The following PPP2R3A variants were observed in gnomAD, a reference collection of about 807,000 sequenced individuals.
The protein encoded by PPP2R3A is serine/threonine-protein phosphatase 2A regulatory subunit B'' subunit alpha.
In PPP2R3A, 80 loss-of-function variants were observed where a neutral mutation model predicts 106.9. The ratio of observed to expected loss-of-function variants is 0.75; its 90% CI spans 0.62 to 0.90. PPP2R3A has a LOEUF of 0.90. PPP2R3A is among the 40% of genes least tolerant of loss of function. The probability of loss-of-function intolerance (pLI) is 0.00; values close to 1 mark genes in which losing one functional copy is unlikely to be tolerated. For missense variants in PPP2R3A, 1,386 were observed against 1,350.4 expected (o/e 1.03, Z -0.41); for synonymous variants, 483 against 468.3 (o/e 1.03, Z -0.41).
chr3:136,102,413 C>T lies in PPP2R3A; in HGVS notation c.3103+231C>T, dbSNP rs573704299. Among the ~76,000 whole-genome samples the T allele has an allele frequency of 9.4e-4, 127 of 135,068 alleles. 1 individual carries two copies. The highest frequency in any genetic ancestry group is 2.4e-4 in the Non-Finnish European group (16 of 65,852). 88.6% of individuals were successfully genotyped at this position (135,068 alleles called of 152,430 possible). A position where few individuals can be genotyped will look rare whatever the true frequency, so the allele number is the denominator to read the frequency against. On this transcript the variant is annotated intron_variant, in intron 11 of 13. Transcript: ENST00000264977. ...CCAGGCTGGAGTACAATGGTGTGAT[C>T]TCAGCTCACTGCAACCTCCGCCTCC...
At chr3:136,087,250 T>TCTCTCC (rs1936967781) in intron 8 of PPP2R3A, among the ~76,000 whole-genome samples, 2 of 91,910 alleles carry the variant, frequency 2.2e-5, no homozygotes, top group African/African-American at 6.4e-5. Context: ...GTCGTGTCTC[T>TCTCTCC]CTCTCTCTCT....
chr3:136,145,000 TAATCAATC>T (rs564216540), intron 13 of PPP2R3A, 35 bp from the exon 14 acceptor site: 3 of 1,589,656 alleles, frequency 1.9e-6, no homozygotes, highest in Non-Finnish European at 2.6e-6. Context: ...ACCCAAACTT[TAATCAATC>T]AATCAGTTAA....
In PPP2R3A at chr3:136,027,058, A is replaced by G. The variant is rs770380247; in HGVS notation, c.2222A>G (p.Glu741Gly). Residue 741 changes from glutamate to glycine, a missense_variant, in exon 3 of 14, where the codon GAA (glutamate) becomes GGA (glycine). Physicochemically the swap from Glu to Gly is moderately conservative, Grantham distance 98. Coordinates refer to ENST00000264977, the MANE Select transcript of PPP2R3A (RefSeq NM_002718.5). ...RIETAFMDIE[E>G]QKADIYEMGK... ...GAAACTGCTTTCATGGATATTGAAGAACAGAAAGCAGACATTTATGAAATG... is the reference window on the plus strand; with the variant it reads ...GAAACTGCTTTCATGGATATTGAAGGACAGAAAGCAGACATTTATGAAATG... The G allele has an allele frequency of 1.2e-6, 2 of 1,613,558 alleles. No homozygotes were observed. The highest frequency in any genetic ancestry group is 3.3e-5 in the Admixed American group (2 of 59,986).
Position 136,002,906 on chromosome 3 carries a change from G to T in PPP2R3A, c.1408G>T (p.Gly470Cys), listed in dbSNP as rs1933695238. 3.7e-6 allele frequency: 6 copies of T among 1,611,948 alleles called. No individual in the cohort carries two copies. Among genetic ancestry groups the T allele is most frequent in the Non-Finnish European group, 5.1e-6 (6 of 1,179,450 alleles). The change falls in exon 2 of 14, where the codon GGT becomes TGT. Residue 470 changes from glycine to cysteine, a missense_variant. By Grantham distance (159) the Gly-to-Cys change is radical. Transcript: ENST00000264977. The part of the protein sequence containing the change: ...KCPTPMQNEI[G>C]KIFEKSFVNL... ...CCCCACCCCAATGCAAAATGAAATTGGTAAGATATTTGAGAAATCATTTGT... is the reference window on the plus strand; with the variant it reads ...CCCCACCCCAATGCAAAATGAAATTTGTAAGATATTTGAGAAATCATTTGT...
At chr3:136,059,492 G>T (rs573487227) in intron 5 of PPP2R3A, among the ~76,000 whole-genome samples, 1 of 152,246 alleles carries the variant, frequency 6.6e-6, no homozygotes, top group African/African-American at 2.4e-5. Flanking sequence ...TACCGGCAAG[G>T]TTGTGAACAA....
At chr3:136,035,439 T>C (rs1393313426) in intron 3 of PPP2R3A, among the ~76,000 whole-genome samples, 1 of 152,226 alleles carries the variant, frequency 6.6e-6, no homozygotes, top group African/African-American at 2.4e-5. Flanking sequence ...GCGAATTCTC[T>C]CAGCATTTGT....
chr3:136,092,653 G>A (rs78893936), intron 10 of PPP2R3A, among the ~76,000 whole-genome samples: 79 of 152,210 alleles, frequency 5.2e-4, no homozygotes, highest in East Asian at 4.3e-3. Context: ...ACTCTGTGTG[G>A]TACTCGTATC....
chr3:136,131,574 A>G (rs1938418070), intron 13 of PPP2R3A, among the ~76,000 whole-genome samples: 1 of 152,214 alleles, frequency 6.6e-6, no homozygotes, highest in South Asian at 2.1e-4. Flanking sequence ...GGGAGTGTAA[A>G]TTAGTTGAAC....
At position 136,014,459 on chromosome 3, in the gene PPP2R3A, G is replaced by A. The variant is rs374691109; in HGVS notation, c.1995+10966G>A. Among the ~76,000 whole-genome samples, 14 of 152,174 alleles carry A rather than the reference G, an allele frequency of 9.2e-5. No individual in the cohort carries two copies. The East Asian group carries it at 1.2e-3, about 13-fold the overall frequency. ...CCTACCCACCCATCCATGAGCATGC[G>A]ATATGTTTCCATTTGTTTATGTCAT... On this transcript the variant is annotated intron_variant, in intron 2 of 13. Coordinates refer to ENST00000264977, the MANE Select transcript of PPP2R3A (RefSeq NM_002718.5).
chr3:136,105,316 C>T (rs1452140092), intron 12 of PPP2R3A, among the ~76,000 whole-genome samples: 1 of 152,202 alleles, frequency 6.6e-6, no homozygotes, highest in Non-Finnish European at 1.5e-5. Flanking sequence ...AGAGAAATGT[C>T]TCTGATTACA....
At chr3:136,049,194 A>G (rs1935585641) in intron 4 of PPP2R3A, 65 bp from the exon 5 acceptor site, 3 of 1,174,846 alleles carry the variant, frequency 2.6e-6, no homozygotes. Context: ...ATTACTAACT[A>G]TTGATGTTAT....
intron 1 of PPP2R3A, among the ~76,000 whole-genome samples, chr3:135,996,124 C>G (rs1429965859): frequency 6.6e-6 from 1 of 152,044 alleles, no homozygotes; most frequent in East Asian, 1.9e-4. Flanking sequence ...ATGCTACCAA[C>G]TATAAGATGT....
At chr3:136,063,564 A>G (rs1413566394) in intron 5 of PPP2R3A, among the ~76,000 whole-genome samples, 1 of 152,262 alleles carries the variant, frequency 6.6e-6, no homozygotes, top group Admixed American at 6.5e-5. Context: ...ATGAACTCCA[A>G]CAAATTTACA....
At chr3:136,050,109 A>C (rs140203448) in intron 5 of PPP2R3A, among the ~76,000 whole-genome samples, 1 of 152,176 alleles carries the variant, frequency 6.6e-6, no homozygotes, top group Non-Finnish European at 1.5e-5. Context: ...TGAGATTAGT[A>C]ATTTATTTTA....
intron 12 of PPP2R3A, among the ~76,000 whole-genome samples, chr3:136,104,114 T>C (rs1319126954): frequency 6.6e-6 from 1 of 152,184 alleles, no homozygotes; most frequent in Non-Finnish European, 1.5e-5. Context: ...TCCATAACTG[T>C]TTGACCTAAA....
intron 7 of PPP2R3A, 44 bp from the exon 8 acceptor site, chr3:136,082,221 T>C: frequency 1.3e-6 from 2 of 1,505,130 alleles, no homozygotes; most frequent in Non-Finnish European, 9.2e-7. Context: ...TGGCCAAAGC[T>C]GCTTTTTCAT....
intron 10 of PPP2R3A, among the ~76,000 whole-genome samples, chr3:136,093,398 G>A (rs1009577940): frequency 3.9e-5 from 6 of 152,104 alleles, no homozygotes; most frequent in Admixed American, 3.9e-4. Context: ...GACAGAGTAA[G>A]ACCTCATCTC....
At chr3:136,067,560 C>T (rs767615499) in intron 5 of PPP2R3A, among the ~76,000 whole-genome samples, 3 of 152,140 alleles carry the variant, frequency 2.0e-5, no homozygotes, top group Non-Finnish European at 4.4e-5. Context: ...ATTCTCTGGA[C>T]AGAGTACCAA....
intron 13 of PPP2R3A, among the ~76,000 whole-genome samples, chr3:136,124,621 C>T (rs1257591193): frequency 6.6e-6 from 1 of 150,536 alleles, no homozygotes; most frequent in South Asian, 2.1e-4. Flanking sequence ...CAAACAAGAC[C>T]AAAAATAGAA....
Sources: gnomAD v4.1 joint callset for allele counts (sites outside exome capture counted in the v4.1 genomes callset) on GRCh38, gnomAD v4.1.1 for gene constraint, MANE v1.5 for transcripts, NCBI Gene and HGNC (gene_info 2026-07-23, HGNC 2026-07-21) for gene names.